Variants in ZNF385D observed in about 807,000 individuals in gnomAD.
ZNF385D encodes the protein zinc finger protein 385D.
Under a neutral mutation model 35.8 loss-of-function variants are expected in ZNF385D, and 15 were observed. That is an observed-to-expected ratio of 0.42 (90% CI 0.28 to 0.64). ZNF385D has a LOEUF of 0.64. Ranked by LOEUF, ZNF385D falls within the 30% of genes least tolerant of loss-of-function variation. ZNF385D has a pLI of 0.23. For synonymous variants in ZNF385D, 212 were observed against 186.8 expected, an observed-to-expected ratio of 1.13 and a Z score of -1.10; for missense variants, 474 against 494.6, an observed-to-expected ratio of 0.96 and a Z score of 0.39.
chr3:22,034,893 G>C (rs913461976), intron 3 of ZNF385D, among the ~76,000 whole-genome samples: 1 of 152,032 alleles, frequency 6.6e-6, no homozygotes, highest in Admixed American at 6.6e-5. Context: ...AGTCAGCCCG[G>C]AGATATGTTG....
In ZNF385D at chr3:22,146,545, T is replaced by A. The variant is rs571447777; in HGVS notation, c.325+22272A>T. On this transcript the variant is annotated intron_variant, in intron 3 of 5. Coordinates refer to the ZNF385D transcript ENST00000494108. ...ATGTATTATTATAATTTACTTTTTATGGTTGTCCATTTTTATCAACTGCCT... is the reference window on the plus strand; with the variant it reads ...ATGTATTATTATAATTTACTTTTTAAGGTTGTCCATTTTTATCAACTGCCT... 2.0e-5 allele frequency among the ~76,000 whole-genome samples: 3 copies of A among 152,330 alleles called. No individual in the cohort carries two copies. The South Asian group carries it at 6.2e-4, about 32-fold the overall frequency.
chr3:21,979,592 T>C (rs527945055), intron 3 of ZNF385D: 2 of 152,332 alleles, frequency 1.3e-5, no homozygotes, highest in South Asian at 2.1e-4. Flanking sequence ...TCATTAAACA[T>C]TTACTTTCTT....
At chr3:21,761,630 T>C (rs1366085545) in intron 3 of ZNF385D, among the ~76,000 whole-genome samples, 1 of 152,112 alleles carries the variant, frequency 6.6e-6, no homozygotes, top group Non-Finnish European at 1.5e-5. Context: ...TCATTATATA[T>C]CTATAGAGAG....
intron 1 of ZNF385D, among the ~76,000 whole-genome samples, chr3:21,744,897 A>G (rs1382769568): frequency 1.3e-5 from 2 of 152,202 alleles, no homozygotes; most frequent in Non-Finnish European, 2.9e-5. Context: ...TTCAGCAGCA[A>G]AAGGGACTGT....
intron 3 of ZNF385D, among the ~76,000 whole-genome samples, chr3:21,982,345 T>C (rs562850142): frequency 6.6e-6 from 1 of 152,204 alleles, no homozygotes; most frequent in East Asian, 1.9e-4. Context: ...TTTATGGCAA[T>C]TGTAAGTAGA....
intron 3 of ZNF385D, among the ~76,000 whole-genome samples, chr3:21,856,251 T>G (rs1696705991): frequency 6.6e-6 from 1 of 152,076 alleles, no homozygotes; most frequent in African/African-American, 2.4e-5. Context: ...TGGATCTATT[T>G]CAACAACTAA....
intron 4 of ZNF385D, among the ~76,000 whole-genome samples, chr3:21,452,882 G>T (rs1702544403): frequency 6.6e-6 from 1 of 151,670 alleles, no homozygotes. Context: ...AAAATAAAGG[G>T]GTACTAAATA....
At chr3:22,175,324 G>A (rs984236753) in intron 2 of ZNF385D, among the ~76,000 whole-genome samples, 1 of 151,826 alleles carries the variant, frequency 6.6e-6, no homozygotes, top group South Asian at 2.1e-4. Flanking sequence ...CATATATAAA[G>A]TAAAAAGAGA....
chr3:22,014,933 G>A (rs953273485), intron 3 of ZNF385D, among the ~76,000 whole-genome samples: 1 of 152,140 alleles, frequency 6.6e-6, no homozygotes, highest in Non-Finnish European at 1.5e-5. Context: ...GTTTAAGGCA[G>A]CTCTTACAAA....
At chr3:21,702,691 T>C (rs1396820735) in intron 1 of ZNF385D, among the ~76,000 whole-genome samples, 1 of 152,248 alleles carries the variant, frequency 6.6e-6, no homozygotes, top group African/African-American at 2.4e-5. Context: ...CAAGTCACTC[T>C]TGAATGCTTC....
chr3:22,269,027 G>C (rs1248406253), intron 2 of ZNF385D, among the ~76,000 whole-genome samples: 1 of 151,882 alleles, frequency 6.6e-6, no homozygotes, highest in African/African-American at 2.4e-5. Context: ...TGGTCTATCA[G>C]GAGGAGAAAA....
chr3:21,802,608 G>T (rs1362528105), intron 3 of ZNF385D, among the ~76,000 whole-genome samples: 3 of 152,134 alleles, frequency 2.0e-5, no homozygotes, highest in African/African-American at 7.2e-5. Context: ...GGCAGGCAGG[G>T]CACTTCAGAC....
chr3:22,300,604 T>G (rs777200993), intron 2 of ZNF385D, among the ~76,000 whole-genome samples: 3 of 151,770 alleles, frequency 2.0e-5, no homozygotes, highest in Non-Finnish European at 2.9e-5. Context: ...AGAAAACAAA[T>G]AACCCAATTT....
chr3:21,691,648 T>G (rs934246751), intron 1 of ZNF385D, among the ~76,000 whole-genome samples: 3 of 152,110 alleles, frequency 2.0e-5, no homozygotes, highest in Non-Finnish European at 4.4e-5. Context: ...TGATCATCAT[T>G]GCTATAAAAC....
chr3:22,069,632 C>A (rs892988794), intron 3 of ZNF385D, among the ~76,000 whole-genome samples: 5 of 152,122 alleles, frequency 3.3e-5, no homozygotes, highest in Admixed American at 6.5e-5. Flanking sequence ...AGAATAAATA[C>A]ATTCTCTCCA....
chr3:22,134,043 C>A lies in ZNF385D; in HGVS notation c.325+34774G>T, dbSNP rs562635163. Reference sequence around the variant, plus strand: ...CAGACAGAAAATCAGGGAGAACAAACAGAAAACAAATGATCAATTTATAGA... The same window carrying A: ...CAGACAGAAAATCAGGGAGAACAAAAAGAAAACAAATGATCAATTTATAGA... On this transcript the variant is annotated intron_variant, in intron 3 of 5. Coordinates refer to the ZNF385D transcript ENST00000494108. 3.9e-5 allele frequency: 6 copies of A among 152,034 alleles called. No homozygotes were observed. The South Asian group carries it at 1.0e-3, about 26-fold the overall frequency. The allele number at this position is 152,034 out of a possible 1,614,324, so 9.4% of individuals were successfully genotyped here.
At chr3:21,803,125 T>A (rs2072484080) in intron 3 of ZNF385D, among the ~76,000 whole-genome samples, 1 of 152,032 alleles carries the variant, frequency 6.6e-6, no homozygotes, top group Admixed American at 6.6e-5. Flanking sequence ...TGGGAGGGAG[T>A]TATATAAGCC....
chr3:21,888,532 C>T (rs1004924331), intron 3 of ZNF385D, among the ~76,000 whole-genome samples: 1 of 151,886 alleles, frequency 6.6e-6, no homozygotes, highest in Non-Finnish European at 1.5e-5. Flanking sequence ...GAAGGAACAA[C>T]CGAGAGTTTA....
intron 3 of ZNF385D, among the ~76,000 whole-genome samples, chr3:22,111,448 A>G (rs1446386208): frequency 6.6e-6 from 1 of 152,104 alleles, no homozygotes; most frequent in Non-Finnish European, 1.5e-5. Flanking sequence ...GGGATTGGCA[A>G]ACTACTGGGG....
Sources: allele counts gnomAD v4.1 joint callset (sites outside exome capture counted in the v4.1 genomes callset), GRCh38; gene constraint gnomAD v4.1.1; transcripts MANE v1.5; gene names NCBI Gene and HGNC (gene_info 2026-07-23, HGNC 2026-07-21).